The following PLAG1 variants were observed in gnomAD, a reference collection of about 807,000 sequenced individuals.
PLAG1 encodes PLAG1 zinc finger.
In PLAG1, 7 loss-of-function variants were observed where a neutral mutation model predicts 35.5. That is an observed-to-expected ratio of 0.20 (90% confidence interval 0.11 to 0.37). PLAG1 has a LOEUF of 0.37. PLAG1 is among the 10% of genes least tolerant of loss of function. The probability of loss-of-function intolerance (pLI) is 1.00; values close to 1 mark genes in which losing one functional copy is unlikely to be tolerated. For missense variants in PLAG1, 454 were observed against 602.8 expected, an observed-to-expected ratio of 0.75 and a Z score of 2.58; for synonymous variants, 229 against 225.4, an observed-to-expected ratio of 1.02 and a Z score of -0.14.
At position 56,167,637 on chromosome 8, in the gene PLAG1, C is replaced by T. The variant is rs2129224721; in HGVS notation, c.243-134G>A. 1.6e-6 allele frequency: 1 copy of T among 639,770 alleles called. No individual in the cohort carries two copies. The highest frequency in any genetic ancestry group is 2.7e-6 in the Non-Finnish European group (1 of 374,784). 39.6% of individuals were successfully genotyped at this position (639,770 alleles called of 1,614,324 possible). A position where few individuals can be genotyped will look rare whatever the true frequency, so the allele number is the denominator to read the frequency against. ...TGGAAACTGTTTAACTTAATATATA[C>T]CACGAGGATAGTTAATATACCTAAT... On this transcript the variant is annotated intron_variant, in intron 4 of 4. Transcript: ENST00000316981. The surrounding 1 kb of genome is among the most constrained non-coding windows in gnomAD (Gnocchi z 5.9).
intron 1 of PLAG1, among the ~76,000 whole-genome samples, chr8:56,208,912 A>C (rs1460878326): frequency 1.3e-5 from 2 of 152,240 alleles, no homozygotes; most frequent in East Asian, 1.9e-4. Flanking sequence ...TCAAAGGCGC[A>C]AAGTTACAAC....
chr8:56,200,358 T>C (rs143816892), intron 1 of PLAG1, among the ~76,000 whole-genome samples: 26 of 152,356 alleles, frequency 1.7e-4, no homozygotes, highest in African/African-American at 5.8e-4. Context: ...ATTCACAGAA[T>C]AGCTGAAGTC....
chr8:56,177,538 T>C (rs1364122013), intron 2 of PLAG1, among the ~76,000 whole-genome samples: 1 of 152,154 alleles, frequency 6.6e-6, no homozygotes, highest in Non-Finnish European at 1.5e-5. Flanking sequence ...CTTTCACCCT[T>C]AATATGGACT....
intron 2 of PLAG1, among the ~76,000 whole-genome samples, chr8:56,173,365 T>C (rs182216765): frequency 6.6e-6 from 1 of 152,178 alleles, no homozygotes; most frequent in Non-Finnish European, 1.5e-5. Context: ...TTCTACTAAA[T>C]ATCTCCCCCC....
At chr8:56,209,737 A>G (rs535958595) in intron 1 of PLAG1, among the ~76,000 whole-genome samples, 5 of 151,960 alleles carry the variant, frequency 3.3e-5, no homozygotes, top group South Asian at 2.1e-4. Flanking sequence ...CCCAAAAGGT[A>G]CTCCAGCCTT....
At chr8:56,197,196 TGC>T (rs1276144500) in intron 1 of PLAG1, among the ~76,000 whole-genome samples, 1 of 152,094 alleles carries the variant, frequency 6.6e-6, no homozygotes, top group Non-Finnish European at 1.5e-5. Flanking sequence ...TGAGCATGTG[TGC>T]CTCTCTCCCC....
rs1317741151 is a variant in PLAG1, at chr8:56,167,172, G to C, written c.574C>G (p.Arg192Gly). 6.2e-7 allele frequency: 1 copy of C among 1,613,508 alleles called. No homozygotes were observed. The highest frequency in any genetic ancestry group is 8.5e-7 in the Non-Finnish European group (1 of 1,179,838). The part of the protein sequence containing the change: ...EKKHQCEHCD[R>G]RFYTRKDVRR... ...ACATCCTTTCGGGTGTAGAACCGGCGATCACAATGTTCGCACTGGTGCTTT... is the reference window on the plus strand; with the variant it reads ...ACATCCTTTCGGGTGTAGAACCGGCCATCACAATGTTCGCACTGGTGCTTT... Residue 192 changes from arginine to glycine, a missense_variant, in exon 5 of 5, where the codon CGC (arginine) becomes GGC (glycine). By Grantham distance (125) the Arg-to-Gly change is moderately radical (BLOSUM62 -2). Around this residue, in one of 4 missense-constraint regions of PLAG1, gnomAD observed 170 missense variants for 226.3 expected, o/e 0.75. Coordinates refer to ENST00000316981, the MANE Select transcript of PLAG1 (RefSeq NM_002655.3). The surrounding 1 kb of genome is among the most constrained non-coding windows in gnomAD (Gnocchi z 5.9).
rs1055140415 is a variant in PLAG1 at position 56,162,665 on chromosome 8, T to C, written c.*3578A>G. The C allele has an allele frequency of 4.8e-6, 1 of 209,564 alleles. No individual in the cohort carries two copies. Among genetic ancestry groups the C allele is most frequent in the Admixed American group, 5.9e-5 (1 of 16,938 alleles). The allele number at this position is 209,564 out of a possible 1,614,324, so 13.0% of individuals were successfully genotyped here. A position where few individuals can be genotyped will look rare whatever the true frequency, so the allele number is the denominator to read the frequency against. On this transcript the variant is annotated 3_prime_UTR_variant, in exon 5 of 5. Coordinates refer to ENST00000316981, the MANE Select transcript of PLAG1 (RefSeq NM_002655.3). ...TAGAGGTTGACCAAGCTCTATTTTT[T>C]AAAAAAATATTGGCCTATAATATGT... is the stretch of plus-strand genomic sequence containing the variant.
At chr8:56,205,067 G>A (rs531432222) in intron 1 of PLAG1, among the ~76,000 whole-genome samples, 24 of 151,960 alleles carry the variant, frequency 1.6e-4, no homozygotes, top group Non-Finnish European at 2.8e-4. Flanking sequence ...GAGCTTTGTT[G>A]GTGAAATGTT....
In PLAG1 at chr8:56,204,508, G is replaced by C. The variant is rs1812644930; in HGVS notation, c.-322+6613C>G. Among the ~76,000 whole-genome samples the C allele has an allele frequency of 2.0e-5, 3 of 151,792 alleles. No individual in the cohort carries two copies. In the South Asian group the frequency reaches 6.2e-4, roughly 31 times the overall value. On this transcript the variant is annotated intron_variant, in intron 1 of 4. Transcript: ENST00000316981. ...ATTGATTATGACACCTTCCAATTTT[G>C]CCTTTGAGCCAAAGGGGCTAAATTC...
At chr8:56,170,223 T>C (rs1340214582) in intron 3 of PLAG1, among the ~76,000 whole-genome samples, 2 of 152,250 alleles carry the variant, frequency 1.3e-5, no homozygotes, top group African/African-American at 2.4e-5. Flanking sequence ...CTTTGTGCTA[T>C]TCAAACGGTC....
chr8:56,199,770 C>G lies in PLAG1; in HGVS notation c.-322+11351G>C, dbSNP rs149365066. ...CCTACAGGAGGGCTGGGCATCATTACAGAGGAATCCAGAGGTAAAGAGGGC... is the reference window on the plus strand; with the variant it reads ...CCTACAGGAGGGCTGGGCATCATTAGAGAGGAATCCAGAGGTAAAGAGGGC... On this transcript the variant is annotated intron_variant, in intron 1 of 4. Coordinates refer to ENST00000316981, the MANE Select transcript of PLAG1 (RefSeq NM_002655.3). Among the ~76,000 whole-genome samples the G allele has an allele frequency of 1.2e-4, 19 of 152,214 alleles. No homozygotes were observed. The East Asian group carries it at 2.7e-3, about 22-fold the overall frequency.
At chr8:56,177,667 T>C (rs1811745907) in intron 2 of PLAG1, among the ~76,000 whole-genome samples, 1 of 152,226 alleles carries the variant, frequency 6.6e-6, no homozygotes. Flanking sequence ...CACCCTAGCA[T>C]GTAGCAGACA....
intron 1 of PLAG1, among the ~76,000 whole-genome samples, chr8:56,203,870 G>A (rs969090079): frequency 6.6e-6 from 1 of 151,940 alleles, no homozygotes; most frequent in African/African-American, 2.4e-5. Context: ...CTCAGTCTAT[G>A]ACAAATTAGC....
intron 1 of PLAG1, among the ~76,000 whole-genome samples, chr8:56,187,884 A>G (rs2129230038): frequency 6.6e-6 from 1 of 152,350 alleles, no homozygotes; most frequent in Non-Finnish European, 1.5e-5. Flanking sequence ...CCCAAATCAC[A>G]GCTAAAGTAA....
chr8:56,186,803 G>A (rs1484211259), intron 1 of PLAG1, among the ~76,000 whole-genome samples: 3 of 151,826 alleles, frequency 2.0e-5, no homozygotes, highest in East Asian at 3.9e-4. Flanking sequence ...TGCAACCTCC[G>A]CCTCCCGTAT....
chr8:56,195,013 T>A (rs1164088602), intron 1 of PLAG1, among the ~76,000 whole-genome samples: 1 of 152,104 alleles, frequency 6.6e-6, no homozygotes, highest in South Asian at 2.1e-4. Flanking sequence ...GCGAAGAAGC[T>A]GCTGAGGGTG....
At chr8:56,178,864 T>C (rs1434554504) in intron 2 of PLAG1, among the ~76,000 whole-genome samples, 1 of 151,978 alleles carries the variant, frequency 6.6e-6, no homozygotes, top group Non-Finnish European at 1.5e-5. Context: ...GCCTACAGGC[T>C]GGGAAATCTA....
chr8:56,178,557 G>A (rs145685190), intron 2 of PLAG1, among the ~76,000 whole-genome samples: 180 of 152,190 alleles, frequency 1.2e-3, no homozygotes, highest in African/African-American at 3.9e-3. Flanking sequence ...ATTTTAGCCC[G>A]ATTAATTCGT....
Sources: gnomAD v4.1 joint callset for allele counts (sites outside exome capture counted in the v4.1 genomes callset) on GRCh38, gnomAD v4.1.1 for gene constraint, gnomAD v4.1.1 regional missense constraint, Gnocchi (gnomAD v3.1) non-coding constraint, MANE v1.5 for transcripts, NCBI Gene and HGNC (gene_info 2026-07-23, HGNC 2026-07-21) for gene names.